Variants in PITPNM2 observed in about 807,000 individuals in gnomAD.
PITPNM2 encodes the protein phosphatidylinositol transfer protein membrane associated 2, also known as membrane-associated phosphatidylinositol transfer protein 2.
A neutral mutation model predicts 132.2 loss-of-function variants in PITPNM2; 35 were observed. The observed-to-expected ratio is 0.26, with a 90% confidence interval of 0.20 to 0.35. The LOEUF is 0.35. PITPNM2 is among the 10% of genes least tolerant of loss of function. The pLI, the probability that PITPNM2 is intolerant of heterozygous loss-of-function variation, is 1.00. For missense variants in PITPNM2, 1,332 were observed against 1,912.0 expected (o/e 0.70, Z 5.66); for synonymous variants, 738 against 799.2 (o/e 0.92, Z 1.29).
intron 1 of PITPNM2, among the ~76,000 whole-genome samples, chr12:123,145,612 G>A (rs1368516933): frequency 6.6e-6 from 1 of 152,136 alleles, no homozygotes; most frequent in African/African-American, 2.4e-5. Context: ...ATTTTTCCAT[G>A]CTCTCTCTCC....
Position 122,986,171 on chromosome 12 carries a change from G to A in PITPNM2, c.3906C>T (p.Ser1302=), listed in dbSNP as rs375376140. The change falls in exon 26 of 26, where the codon AGC becomes AGT. Residue 1302 remains serine, a synonymous_variant. Transcript: ENST00000320201. ...HLLRTISAQP[S]GPSHRHERTQ... is the part of the protein sequence containing the mutation. Reference sequence around the variant, plus strand: ...TCCGCTCGTGCCGGTGGCTGGGCCCGCTGGGCTGGGCCGAGATGGTGCGAA... The same window carrying A: ...TCCGCTCGTGCCGGTGGCTGGGCCCACTGGGCTGGGCCGAGATGGTGCGAA... 88 of 1,539,354 alleles carry A rather than the reference G, an allele frequency of 5.7e-5. No individual in the cohort carries two copies. Among genetic ancestry groups the A allele is most frequent in the Admixed American group, 7.9e-5 (4 of 50,936 alleles).
At chr12:123,003,262 C>T (rs2038776360) in intron 8 of PITPNM2, among the ~76,000 whole-genome samples, 1 of 152,228 alleles carries the variant, frequency 6.6e-6, no homozygotes, top group African/African-American at 2.4e-5. Flanking sequence ...TACTGTCTGG[C>T]TCTGGCACTT....
chr12:123,120,488 T>C (rs753999844), intron 1 of PITPNM2, among the ~76,000 whole-genome samples: 2 of 152,144 alleles, frequency 1.3e-5, no homozygotes, highest in Non-Finnish European at 2.9e-5. Flanking sequence ...AGACCTCTCA[T>C]ATGGAGAGTG....
chr12:122,996,314 G>A (rs563373900), intron 13 of PITPNM2, 144 bp downstream of exon 13: 2 of 1,166,340 alleles, frequency 1.7e-6, no homozygotes, highest in East Asian at 5.1e-5. Flanking sequence ...TAGAGTCCAA[G>A]CCAGATGGAC....
In PITPNM2 at chr12:123,097,812, C is replaced by T. The variant is rs568205493; in HGVS notation, c.-96+12573G>A. 1.3e-5 allele frequency among the ~76,000 whole-genome samples: 2 copies of T among 152,374 alleles called. No homozygotes were observed. Among genetic ancestry groups the T allele is most frequent in the Non-Finnish European group, 2.9e-5 (2 of 68,038 alleles). On this transcript the variant is annotated intron_variant, in intron 2 of 25. Transcript: ENST00000320201. The surrounding 1 kb of genome is among the most constrained non-coding windows in gnomAD (Gnocchi z 4.7). ...GGCAGGTCCCCAGCTCCTGGGCTGA[C>T]CTCGCCCCTACATCTGCCACTTGGC...
intron 1 of PITPNM2, among the ~76,000 whole-genome samples, chr12:123,146,707 T>C (rs189637293): frequency 3.1e-4 from 47 of 151,578 alleles, no homozygotes; most frequent in Middle Eastern, 6.9e-3. Flanking sequence ...CCATAAATGT[T>C]TAGCAGAGGT....
At position 123,022,765 on chromosome 12, in the gene PITPNM2, C is replaced by A. The variant is rs1158212987; in HGVS notation, c.79-8723G>T. On this transcript the variant is annotated intron_variant, in intron 3 of 25. Transcript: ENST00000320201. This position sits in a 1 kb window ranked among gnomAD's most constrained non-coding sequence, Gnocchi z 4.9. ...CTGCATGTGCATCAGAACCCCCAACCCCTACCTAATAGGCACCAGGCATGG... is the reference window on the plus strand; with the variant it reads ...CTGCATGTGCATCAGAACCCCCAACACCTACCTAATAGGCACCAGGCATGG... 6.6e-6 allele frequency among the ~76,000 whole-genome samples: 1 copy of A among 152,230 alleles called. No homozygotes were observed. Among genetic ancestry groups the A allele is most frequent in the Non-Finnish European group, 1.5e-5 (1 of 68,040 alleles).
chr12:123,054,277 T>A (rs2040951527), intron 2 of PITPNM2, among the ~76,000 whole-genome samples: 1 of 152,170 alleles, frequency 6.6e-6, no homozygotes, highest in South Asian at 2.1e-4. Flanking sequence ...GTTTCCTTTT[T>A]CAGTTGAATC....
In PITPNM2 at chr12:123,058,808, C is replaced by G. The variant is rs375606668; in HGVS notation, c.-95-24123G>C. Among the ~76,000 whole-genome samples, 72 of 152,258 alleles carry G rather than the reference C, an allele frequency of 4.7e-4. No homozygotes were observed. Among genetic ancestry groups the G allele is most frequent in the African/African-American group, 1.7e-3 (70 of 41,542 alleles). ...AAAAAGCCCTTTCCCACGGGGTCCA[C>G]CTGGAAAATTCTCGAAGTGTCTATT... On this transcript the variant is annotated intron_variant, in intron 2 of 25. Coordinates refer to ENST00000320201, the MANE Select transcript of PITPNM2 (RefSeq NM_020845.3). The surrounding 1 kb of genome is among the most constrained non-coding windows in gnomAD (Gnocchi z 4.0).
chr12:123,151,551 A>G (rs2043754886), upstream of PITPNM2, among the ~76,000 whole-genome samples: 1 of 152,084 alleles, frequency 6.6e-6, no homozygotes, highest in Non-Finnish European at 1.5e-5. Flanking sequence ...TGCTCGCCAC[A>G]CGGTGGGTCC....
intron 1 of PITPNM2, among the ~76,000 whole-genome samples, chr12:123,110,703 T>C (rs2042817595): frequency 6.6e-6 from 1 of 152,118 alleles, no homozygotes; most frequent in African/African-American, 2.4e-5. Flanking sequence ...CACCCCAACA[T>C]TGCCCGGCAC....
Position 123,051,239 on chromosome 12 carries a change from G to A in PITPNM2, c.-95-16554C>T, listed in dbSNP as rs186305075. Among the ~76,000 whole-genome samples, 1,048 of 152,284 alleles carry A rather than the reference G, an allele frequency of 6.9e-3. 8 individuals are homozygous for A. Among genetic ancestry groups the A allele is most frequent in the Non-Finnish European group, 0.011 (770 of 68,032 alleles). On this transcript the variant is annotated intron_variant, in intron 2 of 25. Coordinates refer to ENST00000320201, the MANE Select transcript of PITPNM2 (RefSeq NM_020845.3). ...AGGCAAAGGGTTTGGCATCTATTTCGTGAGCCACTTGACTGGCTGGGCTGA... is the reference window on the plus strand; with the variant it reads ...AGGCAAAGGGTTTGGCATCTATTTCATGAGCCACTTGACTGGCTGGGCTGA...
chr12:122,998,539 C>T (rs756531051), intron 10 of PITPNM2, among the ~76,000 whole-genome samples: 3 of 152,220 alleles, frequency 2.0e-5, no homozygotes, highest in Non-Finnish European at 2.9e-5. Context: ...GGTATGTGAC[C>T]AGAGGATAGC....
At chr12:123,072,945 G>A (rs573344309) in intron 2 of PITPNM2, among the ~76,000 whole-genome samples, 1 of 152,350 alleles carries the variant, frequency 6.6e-6, no homozygotes, top group South Asian at 2.1e-4. Context: ...CAGGGAAGGA[G>A]CCTGACTTCC....
At chr12:123,034,058 T>A (rs2040187779) in intron 3 of PITPNM2, among the ~76,000 whole-genome samples, 1 of 152,148 alleles carries the variant, frequency 6.6e-6, no homozygotes, top group Admixed American at 6.5e-5. Flanking sequence ...AAGGCGCCCA[T>A]GTGCAAGCCA....
chr12:123,119,412 C>A (rs1336378092), intron 1 of PITPNM2, among the ~76,000 whole-genome samples: 2 of 145,158 alleles, frequency 1.4e-5, no homozygotes, highest in African/African-American at 2.6e-5. Context: ...GGCTGGAGTG[C>A]AGTGGAACCA....
chr12:123,122,300 T>C (rs2043047820), intron 1 of PITPNM2, among the ~76,000 whole-genome samples: 1 of 151,840 alleles, frequency 6.6e-6, no homozygotes, highest in Non-Finnish European at 1.5e-5. Flanking sequence ...CCGTCCCTAC[T>C]AAAATACAAA....
chr12:123,114,088 A>T (rs2042891169), intron 1 of PITPNM2, among the ~76,000 whole-genome samples: 1 of 152,118 alleles, frequency 6.6e-6, no homozygotes, highest in African/African-American at 2.4e-5. Flanking sequence ...TTATCCATTC[A>T]TCCATCGATG....
Position 123,008,642 on chromosome 12 carries a change from C to T in PITPNM2, c.643+1208G>A, listed in dbSNP as rs1001418610. ...GAGAGATGGATTGTGGGAATGCATC[C>T]CTCTCAATGGATGGGACAGCTTCCT... On this transcript the variant is annotated intron_variant, in intron 6 of 25. Coordinates refer to ENST00000320201, the MANE Select transcript of PITPNM2 (RefSeq NM_020845.3). The surrounding 1 kb of genome is among the most constrained non-coding windows in gnomAD (Gnocchi z 4.1). Among the ~76,000 whole-genome samples the T allele has an allele frequency of 5.3e-5, 8 of 152,166 alleles. No individual in the cohort carries two copies. The highest frequency in any genetic ancestry group is 5.2e-4 in the Admixed American group (8 of 15,280).
Sources: allele counts gnomAD v4.1 joint callset (sites outside exome capture counted in the v4.1 genomes callset), GRCh38; gene constraint gnomAD v4.1.1; non-coding constraint Gnocchi (gnomAD v3.1); transcripts MANE v1.5; gene names NCBI Gene and HGNC (gene_info 2026-07-23, HGNC 2026-07-21).